Variants in IQCK observed in about 807,000 individuals in gnomAD.
IQCK encodes the protein IQ motif containing K.
A neutral mutation model predicts 28.1 loss-of-function variants in IQCK; 29 were observed. The observed-to-expected ratio is 1.03, with a 90% confidence interval of 0.77 to 1.41. The LOEUF is 1.41. Ranked by LOEUF, IQCK falls within the 40% of genes most tolerant of loss-of-function variation. IQCK has a pLI of 0.00. For synonymous variants in IQCK, 113 were observed against 115.1 expected (o/e 0.98, Z 0.12); for missense variants, 359 against 314.7 (o/e 1.14, Z -1.07).
At chr16:19,745,871 T>TC (rs1413746138) in intron 4 of IQCK, among the ~76,000 whole-genome samples, 1 of 152,152 alleles carries the variant, frequency 6.6e-6, no homozygotes, top group African/African-American at 2.4e-5. Context: ...CGGTTCTCCT[T>TC]CATGTGGCCT....
intron 7 of IQCK, among the ~76,000 whole-genome samples, chr16:19,824,761 A>C (rs2056123774): frequency 6.6e-6 from 1 of 152,168 alleles, no homozygotes; most frequent in African/African-American, 2.4e-5. Flanking sequence ...ATGAACCAGG[A>C]AGAGGAAGGA....
chr16:19,785,245 C>T (rs917813926), intron 6 of IQCK, among the ~76,000 whole-genome samples: 2 of 152,216 alleles, frequency 1.3e-5, no homozygotes, highest in African/African-American at 4.8e-5. Context: ...TTTTAGCACC[C>T]TTTGGCCGAT....
chr16:19,838,272 G>C (rs758216792), intron 9 of IQCK, among the ~76,000 whole-genome samples: 21 of 151,962 alleles, frequency 1.4e-4, no homozygotes, highest in East Asian at 5.8e-4. Flanking sequence ...GGGATCACTG[G>C]GGGAGGCAGA....
intron 4 of IQCK, among the ~76,000 whole-genome samples, chr16:19,758,947 A>C (rs1367535676): frequency 6.6e-6 from 1 of 152,220 alleles, no homozygotes; most frequent in Non-Finnish European, 1.5e-5. Flanking sequence ...TGAATTATAA[A>C]GCTGAGTTTG....
At chr16:19,832,851 A>G (rs1481391363) in intron 9 of IQCK, among the ~76,000 whole-genome samples, 1 of 152,084 alleles carries the variant, frequency 6.6e-6, no homozygotes, top group Non-Finnish European at 1.5e-5. Context: ...TGAGGGGGGA[A>G]CTGTCAAACA....
chr16:19,815,822 G>C (rs559814043), intron 7 of IQCK, among the ~76,000 whole-genome samples: 1 of 152,278 alleles, frequency 6.6e-6, no homozygotes, highest in African/African-American at 2.4e-5. Flanking sequence ...AGAGAGTTAT[G>C]AACTCTGAAT....
intron 9 of IQCK, among the ~76,000 whole-genome samples, chr16:19,848,573 A>G (rs1338683296): frequency 6.6e-6 from 1 of 152,184 alleles, no homozygotes; most frequent in Non-Finnish European, 1.5e-5. Flanking sequence ...CCTGGGGGGA[A>G]AGGAAACCAC....
In IQCK at chr16:19,730,252, G is replaced by A. The variant is rs375779682; in HGVS notation, c.182-178G>A. Among the ~76,000 whole-genome samples, 40 of 152,232 alleles carry A rather than the reference G, an allele frequency of 2.6e-4. No homozygotes were observed. The South Asian group carries it at 7.7e-3, about 29-fold the overall frequency. Reference sequence around the variant, plus strand: ...ATTACAGGTGTGAGCCACCGCACCCGGCCTCTTGCTGATTTTAAATACCAT... The same window carrying A: ...ATTACAGGTGTGAGCCACCGCACCCAGCCTCTTGCTGATTTTAAATACCAT... On this transcript the variant is annotated intron_variant, in intron 1 of 7. Coordinates refer to ENST00000564186, the Ensembl canonical transcript of IQCK.
At chr16:19,807,965 TC>T (rs1266071734) in intron 7 of IQCK, among the ~76,000 whole-genome samples, 2 of 152,120 alleles carry the variant, frequency 1.3e-5, no homozygotes, top group Non-Finnish European at 2.9e-5. Flanking sequence ...TTTTTTTAAT[TC>T]CCTGTCAAAG....
intron 4 of IQCK, among the ~76,000 whole-genome samples, chr16:19,749,792 A>G (rs928321080): frequency 1.3e-5 from 2 of 152,048 alleles, no homozygotes; most frequent in African/African-American, 4.8e-5. Flanking sequence ...AAGAAAAAGA[A>G]AAAGTGTGCC....
At chr16:19,760,873 A>G (rs1055539709) in intron 4 of IQCK, among the ~76,000 whole-genome samples, 1 of 152,198 alleles carries the variant, frequency 6.6e-6, no homozygotes, top group African/African-American at 2.4e-5. Flanking sequence ...TTTCTTGAGT[A>G]TATGCTAAGC....
chr16:19,722,457 C>T (rs1320624070), intron 1 of IQCK, among the ~76,000 whole-genome samples: 2 of 152,176 alleles, frequency 1.3e-5, no homozygotes, highest in East Asian at 3.9e-4. Context: ...AAGAAACCTC[C>T]ACCATGACCC....
intron 6 of IQCK, among the ~76,000 whole-genome samples, chr16:19,772,828 A>AC (rs1198589037): frequency 2.6e-5 from 4 of 151,842 alleles, no homozygotes; most frequent in African/African-American, 9.7e-5. Flanking sequence ...ACATAGTGAG[A>AC]CCCCATCTCT....
chr16:19,778,125 T>C (rs1428212909), intron 6 of IQCK, among the ~76,000 whole-genome samples: 1 of 152,122 alleles, frequency 6.6e-6, no homozygotes, highest in African/African-American at 2.4e-5. Flanking sequence ...CCAATCTTAG[T>C]TCCACCATTT....
chr16:19,769,082 G>A (rs1160779548), intron 6 of IQCK, among the ~76,000 whole-genome samples: 1 of 152,160 alleles, frequency 6.6e-6, no homozygotes, highest in East Asian at 1.9e-4. Flanking sequence ...TTCCCCATCT[G>A]GGTCTTTCCA....
intron 4 of IQCK, among the ~76,000 whole-genome samples, chr16:19,739,054 A>G (rs1247719817): frequency 6.6e-6 from 1 of 152,132 alleles, no homozygotes; most frequent in Admixed American, 6.5e-5. Flanking sequence ...TGTGGCTCTC[A>G]GCTTGCATGG....
At chr16:19,828,231 C>CT (rs749049124), downstream of IQCK, among the ~76,000 whole-genome samples, 4,756 of 107,192 alleles carry the variant, frequency 0.044, 241 homozygotes, top group Admixed American at 0.064. Flanking sequence ...TCTTTCTTTT[C>CT]TTTTTTTTTT....
intron 9 of IQCK, among the ~76,000 whole-genome samples, chr16:19,841,756 A>G (rs2056364295): frequency 1.3e-5 from 2 of 152,174 alleles, no homozygotes; most frequent in Admixed American, 6.6e-5. Context: ...GGATTCCAAA[A>G]TGAGATAATG....
At chr16:19,805,954 C>A (rs1205978061) in intron 7 of IQCK, among the ~76,000 whole-genome samples, 1 of 151,986 alleles carries the variant, frequency 6.6e-6, no homozygotes, top group African/African-American at 2.4e-5. Context: ...GCTGAGTCTA[C>A]TTCTGGGTGG....
Sources: gnomAD v4.1 joint callset for allele counts (sites outside exome capture counted in the v4.1 genomes callset) on GRCh38, gnomAD v4.1.1 for gene constraint, MANE v1.5 for transcripts, NCBI Gene and HGNC (gene_info 2026-07-23, HGNC 2026-07-21) for gene names.